ZC3H12B: variants seen among roughly 807,000 people sequenced by gnomAD.
ZC3H12B encodes the protein probable ribonuclease ZC3H12B.
In ZC3H12B, 7 loss-of-function variants were observed where a neutral mutation model predicts 43.9. That is an observed-to-expected ratio of 0.16 (90% CI 0.09 to 0.30). The LOEUF (loss-of-function observed/expected upper bound fraction) is 0.30. ZC3H12B is among the 10% of genes least tolerant of loss of function. The pLI is 1.00. For missense variants in ZC3H12B, 475 were observed against 670.2 expected, an observed-to-expected ratio of 0.71 and a Z score of 3.22; for synonymous variants, 222 against 241.7, an observed-to-expected ratio of 0.92 and a Z score of 0.76.
intron 3 of ZC3H12B, among the ~76,000 whole-genome samples, chrX:65,406,588 G>A (rs1235169453): frequency 2.2e-5 from 2 of 91,125 alleles, no homozygotes; most frequent in East Asian, 6.9e-4. Flanking sequence ...GGGGCTGGGC[G>A]GGGCTGGGCG....
At chrX:65,181,911 C>T in the ZC3H12B span, among the ~76,000 whole-genome samples, 1 of 111,663 alleles carries the variant, frequency 9.0e-6, no homozygotes, top group Non-Finnish European at 1.9e-5. Context: ...TGTATATACC[C>T]AAAGGATTAT....
the ZC3H12B span, among the ~76,000 whole-genome samples, chrX:65,049,248 A>G: frequency 9.0e-4 from 100 of 110,892 alleles, no homozygotes; most frequent in African/African-American, 3.1e-3. Flanking sequence ...CATTCCCAAG[A>G]CTGATGTTAT....
At chrX:65,139,688 A>G in the ZC3H12B span, among the ~76,000 whole-genome samples, 1 of 111,744 alleles carries the variant, frequency 8.9e-6, no homozygotes, top group African/African-American at 3.2e-5. Flanking sequence ...TGGACATTTT[A>G]ACAATATTAA....
chrX:65,104,181 T>G, the ZC3H12B span, among the ~76,000 whole-genome samples: 1 of 111,982 alleles, frequency 8.9e-6, no homozygotes, highest in Admixed American at 9.5e-5. Flanking sequence ...TGATTTCCTA[T>G]TTAATAAATG....
the ZC3H12B span, among the ~76,000 whole-genome samples, chrX:65,110,086 T>G: frequency 9.0e-6 from 1 of 111,395 alleles, no homozygotes; most frequent in East Asian, 2.8e-4. Flanking sequence ...ATGTGCGTGT[T>G]TGCCATCTGT....
At chrX:65,424,310 G>T (rs1055746583) in intron 3 of ZC3H12B, among the ~76,000 whole-genome samples, 1 of 111,621 alleles carries the variant, frequency 9.0e-6, no homozygotes, top group Non-Finnish European at 1.9e-5. Context: ...TTTTTAATGG[G>T]GTTGTTTGTT....
the ZC3H12B span, chrX:65,331,189 C>G: frequency 5.6e-6 from 1 of 177,624 alleles, no homozygotes; most frequent in Non-Finnish European, 1.1e-5. Flanking sequence ...GCAGCACTCA[C>G]CCACCCTCCT....
At chrX:65,332,751 C>A in the ZC3H12B span, among the ~76,000 whole-genome samples, 1 of 111,381 alleles carries the variant, frequency 9.0e-6, no homozygotes, top group South Asian at 3.8e-4. Context: ...TTTTTGAAAC[C>A]TGTTATTAGA....
At chrX:65,204,464 A>G in the ZC3H12B span, among the ~76,000 whole-genome samples, 1 of 112,133 alleles carries the variant, frequency 8.9e-6, no homozygotes, top group South Asian at 3.6e-4. Flanking sequence ...ATTATCAATG[A>G]TTAGTATCTA....
At chrX:65,461,403 G>C (rs760753582) in intron 3 of ZC3H12B, among the ~76,000 whole-genome samples, 3 of 112,132 alleles carry the variant, frequency 2.7e-5, no homozygotes, top group Non-Finnish European at 5.6e-5. Flanking sequence ...CCATGCACAC[G>C]TATGTTTATT....
the ZC3H12B span, among the ~76,000 whole-genome samples, chrX:65,244,454 A>G: frequency 3.6e-5 from 4 of 109,821 alleles, no homozygotes; most frequent in Non-Finnish European, 7.6e-5. Flanking sequence ...TTAATTCATT[A>G]AAAAAAAGTG....
At chrX:65,414,563 G>A (rs1423225573) in intron 3 of ZC3H12B, among the ~76,000 whole-genome samples, 1 of 111,421 alleles carries the variant, frequency 9.0e-6, no homozygotes, top group African/African-American at 3.3e-5. Context: ...AGGAGCATTA[G>A]GGGAGTCCCT....
the ZC3H12B span, among the ~76,000 whole-genome samples, chrX:65,249,794 G>GTTT: frequency 1.2e-5 from 1 of 80,134 alleles, no homozygotes; most frequent in Non-Finnish European, 2.3e-5. Context: ...ATATTCCTAA[G>GTTT]TATTTTTTTT....
chrX:65,502,167 C>T, exon 5 of ZC3H12B: 1 of 1,211,031 alleles, frequency 8.3e-7, no homozygotes, highest in Non-Finnish European at 1.1e-6. Context: ...ACCCGTTCGG[C>T]CAGCAGCCCA....
At chrX:65,098,009 G>A in the ZC3H12B span, among the ~76,000 whole-genome samples, 1 of 111,256 alleles carries the variant, frequency 9.0e-6, no homozygotes, top group African/African-American at 3.3e-5. Context: ...GCTGTTTGAT[G>A]GGTCATATGT....
chrX:65,280,078 AAAGC>A, the ZC3H12B span, among the ~76,000 whole-genome samples: 2 of 112,155 alleles, frequency 1.8e-5, no homozygotes, highest in Non-Finnish European at 3.8e-5. Context: ...TCTGAAACCA[AAAGC>A]AAGCAAGGAC....
At chrX:65,395,091 C>T (rs2066678857) in intron 2 of ZC3H12B, among the ~76,000 whole-genome samples, 3 of 112,000 alleles carry the variant, frequency 2.7e-5, no homozygotes, top group African/African-American at 9.7e-5. Flanking sequence ...TGCTTATCAA[C>T]TTAAGGAGTT....
chrX:65,481,088 C>T (rs2068058122), intron 3 of ZC3H12B, among the ~76,000 whole-genome samples: 1 of 110,259 alleles, frequency 9.1e-6, no homozygotes, highest in African/African-American at 3.3e-5. Context: ...GTGTGGAGAG[C>T]ATTACTCACT....
chrX:65,178,845 G>C, the ZC3H12B span, among the ~76,000 whole-genome samples: 5 of 112,284 alleles, frequency 4.5e-5, no homozygotes, highest in Non-Finnish European at 9.4e-5. Context: ...TTGTGGAAGA[G>C]AGTGTGCAAT....
Sources: gnomAD v4.1 joint callset for allele counts (sites outside exome capture counted in the v4.1 genomes callset) on GRCh38, gnomAD v4.1.1 for gene constraint, MANE v1.5 for transcripts, NCBI Gene and HGNC (gene_info 2026-07-23, HGNC 2026-07-21) for gene names.